Variants in ANKRD17 observed in about 807,000 individuals in gnomAD.
The protein encoded by ANKRD17 is ankyrin repeat domain 17, also known as ankyrin repeat domain-containing protein 17.
Under a neutral mutation model 229.7 loss-of-function variants are expected in ANKRD17, and 19 were observed. The observed-to-expected ratio is 0.08, with a 90% confidence interval of 0.06 to 0.12. The LOEUF (loss-of-function observed/expected upper bound fraction) is 0.12, where lower values mean the gene tolerates loss of function less well. Ranked by LOEUF, ANKRD17 falls within the 10% of genes least tolerant of loss-of-function variation. The pLI, the probability that ANKRD17 is intolerant of heterozygous loss-of-function variation, is 1.00. For synonymous variants in ANKRD17, 1,112 were observed against 1,146.1 expected, an observed-to-expected ratio of 0.97 and a Z score of 0.60; for missense variants, 2,176 against 3,176.8, an observed-to-expected ratio of 0.68 and a Z score of 7.57.
At chr4:73,218,799 C>A (rs996906812) in intron 1 of ANKRD17, among the ~76,000 whole-genome samples, 13 of 152,140 alleles carry the variant, frequency 8.5e-5, no homozygotes, top group African/African-American at 3.1e-4. Flanking sequence ...TGCAGTGGCT[C>A]ACGCCTGTAA....
chr4:73,121,546 A>C (rs758015175), intron 19 of ANKRD17, 71 bp downstream of exon 19: 6 of 1,575,796 alleles, frequency 3.8e-6, no homozygotes, highest in Non-Finnish European at 5.2e-6. Context: ...GGCACTAAAA[A>C]ATAGGTGTTC....
intron 1 of ANKRD17, among the ~76,000 whole-genome samples, chr4:73,225,778 C>T (rs1742396602): frequency 7.5e-6 from 1 of 134,222 alleles, no homozygotes; most frequent in Non-Finnish European, 1.6e-5. Flanking sequence ...AGGAGAATCG[C>T]TTGAACCCGG....
intron 24 of ANKRD17, among the ~76,000 whole-genome samples, chr4:73,106,957 AAG>A (rs1471527831): frequency 1.3e-5 from 2 of 152,108 alleles, no homozygotes; most frequent in East Asian, 3.9e-4. Context: ...GACAAAAGAT[AAG>A]AGAGAGACAC....
chr4:73,109,299 C>CAAA (rs34817384), intron 24 of ANKRD17, among the ~76,000 whole-genome samples: 4 of 127,006 alleles, frequency 3.1e-5, no homozygotes, highest in Non-Finnish European at 3.3e-5. Flanking sequence ...GGCGCTGTCT[C>CAAA]AAAAAAAAAA....
Position 73,094,247 on chromosome 4 carries a change from T to C in ANKRD17, c.5178-19A>G. 1 of 1,599,996 alleles carries C rather than the reference T, an allele frequency of 6.3e-7. No homozygotes were observed. ...CTTTGACCTGTTTAAAAGTTGTATA[T>C]ATAAATTAAGATTAGTCATTAACAA... On this transcript the variant is annotated intron_variant, in intron 27 of 33. Transcript: ENST00000358602.
At chr4:73,204,140 C>A (rs911454931) in intron 1 of ANKRD17, among the ~76,000 whole-genome samples, 1 of 151,782 alleles carries the variant, frequency 6.6e-6, no homozygotes, top group Non-Finnish European at 1.5e-5. Context: ...CGGGCGATCA[C>A]GAGGTCAGGT....
chr4:73,166,759 G>GAA (rs557490181), intron 2 of ANKRD17, among the ~76,000 whole-genome samples: 8,578 of 128,404 alleles, frequency 0.067, 846 homozygotes, highest in African/African-American at 0.21. Flanking sequence ...CAAATAAATA[G>GAA]AAAAAAAAAA....
intron 16 of ANKRD17, among the ~76,000 whole-genome samples, chr4:73,131,471 A>G (rs1447762713): frequency 1.3e-5 from 2 of 152,218 alleles, no homozygotes; most frequent in East Asian, 3.8e-4. Flanking sequence ...GTTCTTCCTT[A>G]TATTTTGATG....
rs1578200782 is a variant in ANKRD17 at position 73,151,438 on chromosome 4, C to T, written c.1321G>A (p.Ala441Thr). ...TATTTCACCAATCTTACCATGCAAG[C>T]CTCCATCAGAGCAGTGTGCATTTCA... ...TDEMHTALME[A>T]CMDGHVEVAR... Residue 441 changes from alanine (A) to threonine (T), a missense_variant, in exon 7 of 34, where the codon GCT becomes ACT. This residue lies in a region of ANKRD17 where 42 missense variants were observed against 141.3 expected (regional missense o/e 0.30). Transcript: ENST00000358602. The T allele has an allele frequency of 6.2e-7, 1 of 1,611,456 alleles. No homozygotes were observed. The highest frequency in any genetic ancestry group is 1.1e-5 in the South Asian group (1 of 90,374).
intron 29 of ANKRD17, among the ~76,000 whole-genome samples, chr4:73,087,926 G>A (rs187470906): frequency 9.9e-4 from 150 of 151,676 alleles, no homozygotes; most frequent in Non-Finnish European, 1.8e-3. Context: ...AGACAAGAGA[G>A]GGGGAAGAAA....
chr4:73,177,578 G>C (rs1261492841), intron 1 of ANKRD17, 45 bp from the exon 2 acceptor site: 1 of 1,469,362 alleles, frequency 6.8e-7, no homozygotes, highest in Non-Finnish European at 9.4e-7. Context: ...GAAATGAACA[G>C]CGAAAGGAAA....
At chr4:73,231,591 C>G (rs1743050656) in intron 1 of ANKRD17, among the ~76,000 whole-genome samples, 1 of 152,236 alleles carries the variant, frequency 6.6e-6, no homozygotes, top group South Asian at 2.1e-4. Flanking sequence ...CATTTGGTCT[C>G]TGGTCTTAGA....
At chr4:73,189,236 T>C (rs1578328668) in intron 1 of ANKRD17, among the ~76,000 whole-genome samples, 1 of 151,826 alleles carries the variant, frequency 6.6e-6, no homozygotes, top group East Asian at 1.9e-4. Context: ...AAAAACCCAA[T>C]AGCAAATTAA....
intron 1 of ANKRD17, chr4:73,222,871 C>T (rs1400287117): frequency 2.1e-6 from 2 of 965,374 alleles, no homozygotes; most frequent in Non-Finnish European, 1.6e-6. Context: ...CTCTGCTTCT[C>T]TTTGCTCTCT....
At chr4:73,112,636 G>A (rs1044011226) in intron 24 of ANKRD17, 1 of 617,600 alleles carries the variant, frequency 1.6e-6, no homozygotes, top group African/African-American at 2.0e-5. Flanking sequence ...ATTAATGTAG[G>A]ACAAAATGTA....
intron 1 of ANKRD17, among the ~76,000 whole-genome samples, chr4:73,232,497 T>C (rs1306254219): frequency 1.3e-5 from 2 of 152,156 alleles, no homozygotes; most frequent in Non-Finnish European, 2.9e-5. Flanking sequence ...GATCAGAAAT[T>C]AACACTCAAA....
At chr4:73,087,381 A>T (rs1722309767) in intron 29 of ANKRD17, among the ~76,000 whole-genome samples, 1 of 152,210 alleles carries the variant, frequency 6.6e-6, no homozygotes, top group Admixed American at 6.5e-5. Context: ...CACCACATCC[A>T]GCCAATCTGT....
chr4:73,130,303 T>C (rs767727421), intron 16 of ANKRD17, among the ~76,000 whole-genome samples: 19 of 152,186 alleles, frequency 1.2e-4, no homozygotes, highest in Non-Finnish European at 2.5e-4. Context: ...ATGCATGTAT[T>C]TTAAAGCAGA....
chr4:73,113,404 G>T, intron 24 of ANKRD17: 2 of 1,288,242 alleles, frequency 1.6e-6, no homozygotes, highest in Non-Finnish European at 2.0e-6. Context: ...GTTATGCCTT[G>T]GTAGTGCATT....
Sources: gnomAD v4.1 joint callset for allele counts (sites outside exome capture counted in the v4.1 genomes callset) on GRCh38, gnomAD v4.1.1 for gene constraint, gnomAD v4.1.1 regional missense constraint, MANE v1.5 for transcripts, NCBI Gene and HGNC (gene_info 2026-07-23, HGNC 2026-07-21) for gene names.